Variants in C9orf85 observed in about 807,000 individuals in gnomAD.
The protein encoded by C9orf85 is uncharacterized protein C9orf85.
A neutral mutation model predicts 14.9 loss-of-function variants in C9orf85; 16 were observed. The observed-to-expected ratio is 1.08, with a 90% CI of 0.73 to 1.63. The LOEUF is 1.63. C9orf85 is among the 40% of genes most tolerant of loss of function. The pLI, the probability that C9orf85 is intolerant of heterozygous loss-of-function variation, is 0.00. For synonymous variants in C9orf85, 45 were observed against 56.8 expected, an observed-to-expected ratio of 0.79 and a Z score of 0.93; for missense variants, 172 against 186.1, an observed-to-expected ratio of 0.92 and a Z score of 0.44.
At chr9:71,920,056 G>A (rs1023672680) in intron 1 of C9orf85, among the ~76,000 whole-genome samples, 2 of 151,976 alleles carry the variant, frequency 1.3e-5, no homozygotes, top group African/African-American at 4.8e-5. Context: ...TCACCATGCT[G>A]GCCAGGACAG....
At chr9:71,958,863 C>T (rs1257922805) in intron 2 of C9orf85, among the ~76,000 whole-genome samples, 1 of 152,118 alleles carries the variant, frequency 6.6e-6, no homozygotes, top group African/African-American at 2.4e-5. Flanking sequence ...AATCTAAGCC[C>T]CCATTCTTTC....
intron 1 of C9orf85, among the ~76,000 whole-genome samples, chr9:71,919,215 G>T (rs1827730767): frequency 6.6e-6 from 1 of 152,188 alleles, no homozygotes; most frequent in East Asian, 1.9e-4. Context: ...TAGGGTCTTT[G>T]TCCTGTCTCC....
chr9:71,956,398 C>T (rs1822383025), intron 2 of C9orf85, among the ~76,000 whole-genome samples: 1 of 151,830 alleles, frequency 6.6e-6, no homozygotes, highest in South Asian at 2.1e-4. Context: ...CACAGGCATG[C>T]ACCACCACGC....
chr9:71,964,142 A>G (rs1451328174), intron 2 of C9orf85, among the ~76,000 whole-genome samples: 1 of 151,348 alleles, frequency 6.6e-6, no homozygotes, highest in Admixed American at 6.6e-5. Flanking sequence ...GCCTTGGAGA[A>G]CCTTTGTATA....
At position 71,967,571 on chromosome 9, in the gene C9orf85, C is replaced by T. The variant is rs115713130; in HGVS notation, c.210-3934C>T. On this transcript the variant is annotated intron_variant, in intron 2 of 3. Coordinates refer to ENST00000334731, the MANE Select transcript of C9orf85 (RefSeq NM_182505.5). Reference sequence around the variant, plus strand: ...TACAGTTTATGTTTGTTTACTGACCCCATATATTGTGATTTTATTAAACTC... The same window carrying T: ...TACAGTTTATGTTTGTTTACTGACCTCATATATTGTGATTTTATTAAACTC... Among the ~76,000 whole-genome samples the T allele has an allele frequency of 4.4e-3, 670 of 152,052 alleles. 7 individuals carry two copies. Among genetic ancestry groups the T allele is most frequent in the African/African-American group, 0.015 (635 of 41,474 alleles).
downstream of C9orf85, among the ~76,000 whole-genome samples, chr9:71,977,628 A>AT (rs1823029601): frequency 6.6e-6 from 1 of 152,244 alleles, no homozygotes; most frequent in African/African-American, 2.4e-5. Context: ...AGTGAAATAT[A>AT]TAACAATATT....
At chr9:71,938,795 T>C (rs1249462876) in intron 1 of C9orf85, among the ~76,000 whole-genome samples, 1 of 151,706 alleles carries the variant, frequency 6.6e-6, no homozygotes, top group East Asian at 1.9e-4. Context: ...CTGATATTTA[T>C]AGGCCAATAT....
intron 1 of C9orf85, among the ~76,000 whole-genome samples, chr9:71,945,962 C>G (rs1048718605): frequency 1.8e-4 from 28 of 152,130 alleles, no homozygotes; most frequent in African/African-American, 6.5e-4. Context: ...GAGTATGTTA[C>G]AAAAATATAA....
intron 1 of C9orf85, among the ~76,000 whole-genome samples, chr9:71,923,801 C>T (rs566231820): frequency 6.6e-6 from 1 of 152,278 alleles, no homozygotes; most frequent in East Asian, 1.9e-4. Flanking sequence ...AGGCTAGCCG[C>T]TCCACAACAC....
intron 1 of C9orf85, among the ~76,000 whole-genome samples, chr9:71,923,454 G>T (rs973895501): frequency 6.6e-6 from 1 of 152,114 alleles, no homozygotes; most frequent in Non-Finnish European, 1.5e-5. Context: ...TTTTAGTAGA[G>T]ATGGGTTTTC....
chr9:71,949,056 T>C (rs560908255), intron 2 of C9orf85, among the ~76,000 whole-genome samples: 2 of 152,338 alleles, frequency 1.3e-5, no homozygotes, highest in South Asian at 4.1e-4. Context: ...AATCATGTAG[T>C]TTTAGTTAAT....
At chr9:71,959,853 T>G (rs1014457255) in intron 2 of C9orf85, among the ~76,000 whole-genome samples, 2 of 152,238 alleles carry the variant, frequency 1.3e-5, no homozygotes, top group Non-Finnish European at 2.9e-5. Context: ...ATCAGAGCTC[T>G]TAATTTCTGA....
At chr9:71,971,393 C>T (rs7866397) in intron 2 of C9orf85, 112 bp from the exon 3 acceptor site, 510,661 of 511,964 alleles carry the variant, frequency 1, 254,698 homozygotes, top group South Asian at 1. Context: ...GAAATTGAAA[C>T]CTAGGAATTT....
rs113532543 is a variant in C9orf85, at chr9:71,947,216, A to G, written c.209+104A>G. 325 of 759,668 alleles carry G rather than the reference A, an allele frequency of 4.3e-4. 2 individuals are homozygous for G. The African/African-American group carries it at 5.1e-3, about 12-fold the overall frequency. 47.1% of individuals were successfully genotyped at this position (759,668 alleles called of 1,614,324 possible). A position where few individuals can be genotyped will look rare whatever the true frequency, so the allele number is the denominator to read the frequency against. On this transcript the variant is annotated intron_variant, in intron 2 of 3. Transcript: ENST00000334731. The stretch of plus-strand genomic sequence containing the variant: ...TGTGTCCAAATAAATGTTAAAGTAA[A>G]TGATGAAAAAATTCCATTCTCCCCT...
rs140088151 is a variant in C9orf85, at chr9:71,931,175, A to T, written c.103-15831A>T. On this transcript the variant is annotated intron_variant, in intron 1 of 3. Transcript: ENST00000334731. Reference sequence around the variant, plus strand: ...GGGACTTTAGTCATACAGAGTGAGAATCTGGGAAAAATTACATCTGGGGGT... The same window carrying T: ...GGGACTTTAGTCATACAGAGTGAGATTCTGGGAAAAATTACATCTGGGGGT... 1.3e-3 allele frequency among the ~76,000 whole-genome samples: 194 copies of T among 152,310 alleles called. 1 individual carries two copies. In the East Asian group the frequency reaches 0.029, roughly 23 times the overall value.
chr9:71,953,794 G>A (rs192475210), intron 2 of C9orf85, among the ~76,000 whole-genome samples: 167 of 152,116 alleles, frequency 1.1e-3, no homozygotes, highest in African/African-American at 3.4e-3. Context: ...TAAACCAGTG[G>A]TTTAAAAAAA....
chr9:71,970,560 A>G (rs1383332072), intron 2 of C9orf85, among the ~76,000 whole-genome samples: 1 of 152,058 alleles, frequency 6.6e-6, no homozygotes, highest in Non-Finnish European at 1.5e-5. Context: ...TGACCTATAT[A>G]CGTCTATTCT....
chr9:71,914,264 G>A (rs774198521), intron 1 of C9orf85, among the ~76,000 whole-genome samples: 12 of 152,036 alleles, frequency 7.9e-5, no homozygotes, highest in Non-Finnish European at 1.5e-4. Flanking sequence ...GGTGCAGGGC[G>A]TCTTTGAATG....
chr9:71,959,284 C>G (rs1038969096), intron 2 of C9orf85, among the ~76,000 whole-genome samples: 1 of 151,674 alleles, frequency 6.6e-6, no homozygotes, highest in African/African-American at 2.4e-5. Context: ...ATTACAGGCA[C>G]GCCCCACCAT....
Sources: allele counts gnomAD v4.1 joint callset (sites outside exome capture counted in the v4.1 genomes callset), GRCh38; gene constraint gnomAD v4.1.1; transcripts MANE v1.5; gene names NCBI Gene and HGNC (gene_info 2026-07-23, HGNC 2026-07-21).